TRAF7: variants seen among roughly 807,000 people sequenced by gnomAD.
The protein encoded by TRAF7 is E3 ubiquitin-protein ligase TRAF7.
In TRAF7, 45 loss-of-function variants were observed where a neutral mutation model predicts 89.3. The observed-to-expected ratio is 0.50, with a 90% confidence interval of 0.40 to 0.65. TRAF7 has a LOEUF of 0.65. Ranked by LOEUF, TRAF7 falls within the 30% of genes least tolerant of loss-of-function variation. TRAF7 has a pLI of 0.00. For synonymous variants in TRAF7, 406 were observed against 369.2 expected (o/e 1.10, Z -1.14); for missense variants, 677 against 918.1 (o/e 0.74, Z 3.39).
intron 17 of TRAF7, 100 bp downstream of exon 17, chr16:2,175,722 C>T (rs2141296294): frequency 6.3e-7 from 1 of 1,587,178 alleles, no homozygotes; most frequent in Non-Finnish European, 8.6e-7. Flanking sequence ...TACCTTCGCA[C>T]ATCCCCTGGC....
chr16:2,171,811 T>C (rs2093112513), intron 7 of TRAF7, among the ~76,000 whole-genome samples: 1 of 152,138 alleles, frequency 6.6e-6, no homozygotes. Context: ...CAAATTCCAG[T>C]GTGTCCAGAC....
rs760940335 is a variant in TRAF7 at position 2,176,189 on chromosome 16, T to C, written c.1878+9T>C. ...ACGACCGGTCCCTCAGGGTGCGTGC[T>C]GGCCCAGCGGTGGCAGGAGGCTCAG... On this transcript the variant is annotated intron_variant, in intron 19 of 20. Transcript: ENST00000326181. The C allele has an allele frequency of 1.4e-5, 22 of 1,604,234 alleles. No homozygotes were observed. The highest frequency in any genetic ancestry group is 1.9e-5 in the Non-Finnish European group (22 of 1,178,818).
At chr16:2,166,127 G>A (rs1450073348) in intron 3 of TRAF7, among the ~76,000 whole-genome samples, 191 bp downstream of exon 3, 4 of 152,332 alleles carry the variant, frequency 2.6e-5, no homozygotes, top group South Asian at 2.1e-4. Context: ...GACAGGAGTC[G>A]GGTGTCCTGC....
Position 2,159,584 on chromosome 16 carries a change from G to A in TRAF7, c.-39+3726G>A, listed in dbSNP as rs2093049345. 6.6e-6 allele frequency among the ~76,000 whole-genome samples: 1 copy of A among 152,218 alleles called. No individual in the cohort carries two copies. The highest frequency in any genetic ancestry group is 2.4e-5 in the African/African-American group (1 of 41,450). ...GGGGCTGGGCTGGGGCGGGCAGTCT[G>A]TGGGTGCCCTGGGCAGGCTCTGTGA... On this transcript the variant is annotated intron_variant, in intron 1 of 20. Coordinates refer to ENST00000326181, the MANE Select transcript of TRAF7 (RefSeq NM_032271.3). This position sits in a 1 kb window ranked among gnomAD's most constrained non-coding sequence, Gnocchi z 6.5.
intron 4 of TRAF7, among the ~76,000 whole-genome samples, chr16:2,169,130 C>T (rs891751025): frequency 2.0e-5 from 3 of 152,072 alleles, no homozygotes; most frequent in African/African-American, 4.8e-5. Flanking sequence ...GGATTACAGG[C>T]GTGCACCACC....
chr16:2,165,147 C>T (rs1269163649), intron 2 of TRAF7, among the ~76,000 whole-genome samples: 3 of 136,842 alleles, frequency 2.2e-5, no homozygotes, highest in African/African-American at 5.8e-5. Context: ...CATGCTGAAG[C>T]GTGTGAGTGC....
chr16:2,173,512 C>T lies in TRAF7; in HGVS notation c.1044C>T (p.Ser348=), dbSNP rs148108015. The stretch of plus-strand genomic sequence containing the variant: ...TGGACGAAAACCAGAGCAAGCTCAG[C>T]GAGGACCTCATGGAGTTCCGGCGGG... ...DVLDENQSKL[S]EDLMEFRRDA... is the part of the protein sequence containing the mutation. The change falls in exon 11 of 21, where the codon AGC becomes AGT. Residue 348 remains serine (S), a synonymous_variant. Coordinates refer to ENST00000326181, the MANE Select transcript of TRAF7 (RefSeq NM_032271.3). 1.3e-5 allele frequency: 21 copies of T among 1,613,300 alleles called. No homozygotes were observed. Among genetic ancestry groups the T allele is most frequent in the African/African-American group, 2.7e-5 (2 of 74,924 alleles).
At chr16:2,172,635 G>GGGGGCC in intron 9 of TRAF7, 36 bp downstream of exon 9, 2 of 1,273,300 alleles carry the variant, frequency 1.6e-6, no homozygotes, top group Non-Finnish European at 2.2e-6. Context: ...GCCGGGGTGG[G>GGGGGCC]CGCAGGCCCT....
chr16:2,160,501 C>CCGG (rs1458973393), intron 1 of TRAF7, among the ~76,000 whole-genome samples: 1 of 107,648 alleles, frequency 9.3e-6, no homozygotes, highest in Non-Finnish European at 1.9e-5. Context: ...GAGGTGTGGA[C>CCGG]CGGCGGGCGG....
chr16:2,163,630 G>A lies in TRAF7; in HGVS notation c.-38-253G>A, dbSNP rs889451541. The stretch of plus-strand genomic sequence containing the variant: ...CGGGGAAGAGCTGGATGGGCTCTTC[G>A]GGAGCTCAGAAAGGCTAAGCCTTGA... On this transcript the variant is annotated intron_variant, in intron 1 of 20. Coordinates refer to ENST00000326181, the MANE Select transcript of TRAF7 (RefSeq NM_032271.3). This position sits in a 1 kb window ranked among gnomAD's most constrained non-coding sequence, Gnocchi z 4.3. 4 of 461,120 alleles carry A rather than the reference G, an allele frequency of 8.7e-6. No individual in the cohort carries two copies. Among genetic ancestry groups the A allele is most frequent in the South Asian group, 6.4e-5 (3 of 47,078 alleles). 28.6% of individuals were successfully genotyped at this position (461,120 alleles called of 1,614,324 possible). A position where few individuals can be genotyped will look rare whatever the true frequency, so the allele number is the denominator to read the frequency against.
rs559387375 is a variant in TRAF7, at chr16:2,162,945, G to T, written c.-38-938G>T. ...GTGGGACCTGCTCGGGAGGAGGGGC[G>T]CCTGCTGACAGAGCCTGGTGCCTCA... On this transcript the variant is annotated intron_variant, in intron 1 of 20. Transcript: ENST00000326181. The surrounding 1 kb of genome is among the most constrained non-coding windows in gnomAD (Gnocchi z 5.0). 6.6e-6 allele frequency among the ~76,000 whole-genome samples: 1 copy of T among 151,338 alleles called. No individual in the cohort carries two copies. Among genetic ancestry groups the T allele is most frequent in the Non-Finnish European group, 1.5e-5 (1 of 67,840 alleles).
In TRAF7 at chr16:2,162,629, G is replaced by A. The variant is rs752735330; in HGVS notation, c.-38-1254G>A. 2.6e-5 allele frequency among the ~76,000 whole-genome samples: 4 copies of A among 152,070 alleles called. No homozygotes were observed. Among genetic ancestry groups the A allele is most frequent in the Admixed American group, 2.0e-4 (3 of 15,280 alleles). ...GCTTCCCCAGGGTGAGAGCAGGGCC[G>A]CAGGAGTGGGCTCCCTGCTGCTGCA... On this transcript the variant is annotated intron_variant, in intron 1 of 20. Transcript: ENST00000326181. This position sits in a 1 kb window ranked among gnomAD's most constrained non-coding sequence, Gnocchi z 5.0.
At chr16:2,166,779 C>T (rs928140791) in intron 3 of TRAF7, among the ~76,000 whole-genome samples, 2 of 152,246 alleles carry the variant, frequency 1.3e-5, no homozygotes, top group African/African-American at 4.8e-5. Context: ...GCTTCTCAGT[C>T]CTATCCCCTA....
intron 13 of TRAF7, 66 bp downstream of exon 13, chr16:2,174,114 T>C (rs1277984717): frequency 1.0e-5 from 16 of 1,605,326 alleles, no homozygotes; most frequent in Non-Finnish European, 1.3e-5. Flanking sequence ...TGCCTGGCAC[T>C]GCCAGCCTGC....
intron 3 of TRAF7, 110 bp downstream of exon 3, chr16:2,166,046 G>A: frequency 7.1e-7 from 1 of 1,409,716 alleles, no homozygotes; most frequent in Non-Finnish European, 9.8e-7. Flanking sequence ...TTGGGTGCCA[G>A]TGCTGGGCGC....
Position 2,175,105 on chromosome 16 carries a change from C to T in TRAF7, c.1347-6C>T. ...CCACCTTGACACATTGTCTCTGCTT[C>T]CCCAGGTGCAAACTCTACAGCGGCT... On this transcript the variant is annotated splice_polypyrimidine_tract_variant and splice_region_variant and intron_variant, in intron 14 of 20. Coordinates refer to ENST00000326181, the MANE Select transcript of TRAF7 (RefSeq NM_032271.3). 2 of 1,613,868 alleles carry T rather than the reference C, an allele frequency of 1.2e-6. No individual in the cohort carries two copies. Among genetic ancestry groups the T allele is most frequent in the South Asian group, 2.2e-5 (2 of 91,080 alleles).
chr16:2,173,192 A>T lies in TRAF7; in HGVS notation c.805A>T (p.Ile269Phe). 6.2e-7 allele frequency: 1 copy of T among 1,609,014 alleles called. No homozygotes were observed. The highest frequency in any genetic ancestry group is 8.5e-7 in the Non-Finnish European group (1 of 1,178,594). Residue 269 changes from isoleucine (I) to phenylalanine (F), a missense_variant, in exon 10 of 21, where the codon ATC becomes TTC. Ile to Phe is a conservative substitution (Grantham distance 21). Transcript: ENST00000326181. ...CPHSKYGCTF[I>F]GNQDTYETHL... ...GTCCTGTCCCCGCAGGTGCACGTTC[A>T]TCGGGAACCAGGACACTTACGAGAC...
chr16:2,159,446 C>G lies in TRAF7; in HGVS notation c.-39+3588C>G, dbSNP rs1302587527. On this transcript the variant is annotated intron_variant, in intron 1 of 20. Transcript: ENST00000326181. The surrounding 1 kb of genome is among the most constrained non-coding windows in gnomAD (Gnocchi z 6.5). ...CCCTGCCTATTTGGGATGGAAAAAA[C>G]GTTCTAAGGGACGTCAGGGAACAGC... is the stretch of plus-strand genomic sequence containing the variant. Among the ~76,000 whole-genome samples, 6 of 152,218 alleles carry G rather than the reference C, an allele frequency of 3.9e-5. No homozygotes were observed. The highest frequency in any genetic ancestry group is 1.4e-4 in the African/African-American group (6 of 41,456).
Position 2,163,951 on chromosome 16 carries a change from C to A in TRAF7, c.31C>A (p.Arg11Ser), listed in dbSNP as rs770881335. The A allele has an allele frequency of 6.2e-7, 1 of 1,612,860 alleles. No individual in the cohort carries two copies. ...CTCAGGCAAGAGTGCCCGCTACAAC[C>A]GCTTCTCCGGGGGGCCCAGCAATCT... MSSGKSARYN[R>S]FSGGPSNLPT... Residue 11 changes from arginine to serine, a missense_variant, in exon 2 of 21, where the codon CGC becomes AGC. Physicochemically the swap from Arg to Ser is moderately radical, Grantham distance 110. Coordinates refer to ENST00000326181, the MANE Select transcript of TRAF7 (RefSeq NM_032271.3). The surrounding 1 kb of genome is among the most constrained non-coding windows in gnomAD (Gnocchi z 4.3).
Sources: allele counts gnomAD v4.1 joint callset (sites outside exome capture counted in the v4.1 genomes callset), GRCh38; gene constraint gnomAD v4.1.1; non-coding constraint Gnocchi (gnomAD v3.1); transcripts MANE v1.5; gene names NCBI Gene and HGNC (gene_info 2026-07-23, HGNC 2026-07-21).